Variants in OPRD1 observed in about 807,000 individuals in gnomAD.
OPRD1 encodes the protein opioid receptor delta 1, also known as delta-type opioid receptor.
A neutral mutation model predicts 17.5 loss-of-function variants in OPRD1; 19 were observed. That is an observed-to-expected ratio of 1.09 (90% CI 0.76 to 1.60). The LOEUF (loss-of-function observed/expected upper bound fraction) is 1.60. Ranked by LOEUF, OPRD1 falls within the 40% of genes most tolerant of loss-of-function variation. OPRD1 has a pLI of 0.00. For synonymous variants in OPRD1, 256 were observed against 240.9 expected, an observed-to-expected ratio of 1.06 and a Z score of -0.58; for missense variants, 483 against 547.2, an observed-to-expected ratio of 0.88 and a Z score of 1.17.
intron 1 of OPRD1, among the ~76,000 whole-genome samples, chr1:28,831,734 C>T (rs1374246431): frequency 6.6e-6 from 1 of 152,022 alleles, no homozygotes; most frequent in Non-Finnish European, 1.5e-5. Context: ...GATGAGGTCT[C>T]ACTATGTTGC....
At chr1:28,858,227 C>G (rs1452286828) in intron 1 of OPRD1, among the ~76,000 whole-genome samples, 2 of 150,958 alleles carry the variant, frequency 1.3e-5, no homozygotes, top group East Asian at 3.9e-4. Context: ...CATTCTCCTG[C>G]CTCAGCCTCC....
At chr1:28,846,572 A>G (rs1263259788) in intron 1 of OPRD1, among the ~76,000 whole-genome samples, 2 of 152,060 alleles carry the variant, frequency 1.3e-5, no homozygotes, top group African/African-American at 2.4e-5. Flanking sequence ...AATCCCAGCT[A>G]CTAGGGAGGC....
Position 28,812,225 on chromosome 1 carries a change from G to T in OPRD1, c.-159G>T. 1 of 258,110 alleles carries T rather than the reference G, an allele frequency of 3.9e-6. No homozygotes were observed. The highest frequency in any genetic ancestry group is 6.5e-6 in the Non-Finnish European group (1 of 154,576). 16.0% of individuals were successfully genotyped at this position (258,110 alleles called of 1,614,324 possible). A position where few individuals can be genotyped will look rare whatever the true frequency, so the allele number is the denominator to read the frequency against. On this transcript the variant is annotated 5_prime_UTR_variant, in exon 1 of 3. Coordinates refer to ENST00000234961, the MANE Select transcript of OPRD1 (RefSeq NM_000911.4). Reference sequence around the variant, plus strand: ...CGCCGGGGGCTGGGCCGGTGCGGGCGGCGAGGCAGGCGGACGAGGCGCAGA... The same window carrying T: ...CGCCGGGGGCTGGGCCGGTGCGGGCTGCGAGGCAGGCGGACGAGGCGCAGA...
chr1:28,847,563 A>G (rs1212082451), intron 1 of OPRD1, among the ~76,000 whole-genome samples: 1 of 152,062 alleles, frequency 6.6e-6, no homozygotes, highest in East Asian at 1.9e-4. Context: ...GCTGGGCACA[A>G]TGGCTCAGGC....
At chr1:28,832,476 G>A (rs2088816343) in intron 1 of OPRD1, among the ~76,000 whole-genome samples, 2 of 152,064 alleles carry the variant, frequency 1.3e-5, no homozygotes, top group Admixed American at 6.6e-5. Context: ...AATTAGCCAG[G>A]AATGGTGGCA....
At chr1:28,823,830 G>A (rs1461649171) in intron 1 of OPRD1, among the ~76,000 whole-genome samples, 2 of 148,504 alleles carry the variant, frequency 1.3e-5, no homozygotes, top group African/African-American at 4.9e-5. Context: ...TGCCCAGCCC[G>A]TCTTTCTTGA....
At chr1:28,841,439 A>G (rs989118275) in intron 1 of OPRD1, among the ~76,000 whole-genome samples, 1 of 152,190 alleles carries the variant, frequency 6.6e-6, no homozygotes, top group African/African-American at 2.4e-5. Flanking sequence ...TGGAAACCAG[A>G]TAGATATGCG....
At chr1:28,831,441 G>A (rs2088808035) in intron 1 of OPRD1, among the ~76,000 whole-genome samples, 1 of 151,804 alleles carries the variant, frequency 6.6e-6, no homozygotes, top group Non-Finnish European at 1.5e-5. Flanking sequence ...CTTGGGAGGT[G>A]GAGGTTGCAG....
intron 1 of OPRD1, among the ~76,000 whole-genome samples, chr1:28,858,279 AT>A (rs1032653325): frequency 2.1e-5 from 3 of 140,138 alleles, no homozygotes; most frequent in Non-Finnish European, 4.6e-5. Context: ...ACGCCCGGCT[AT>A]TTTTTTTGTA....
chr1:28,871,053 T>TA lies in OPRD1; in HGVS notation c.*7774dup, dbSNP rs1272677729. The TA allele has an allele frequency of 1.3e-5, 2 of 152,108 alleles. No homozygotes were observed. Among genetic ancestry groups the TA allele is most frequent in the Non-Finnish European group, 2.9e-5 (2 of 68,008 alleles). 9.4% of individuals were successfully genotyped at this position (152,108 alleles called of 1,614,324 possible). On this transcript the variant is annotated 3_prime_UTR_variant, in exon 3 of 3. Coordinates refer to ENST00000234961, the MANE Select transcript of OPRD1 (RefSeq NM_000911.4). ...GGTCCCAGAAACAGACATCTGTTGG[T>TA]AAAATCTACTGGGCATTTGCCCAGA...
At chr1:28,817,279 C>A (rs910215151) in intron 1 of OPRD1, among the ~76,000 whole-genome samples, 3 of 152,164 alleles carry the variant, frequency 2.0e-5, no homozygotes, top group Non-Finnish European at 2.9e-5. Context: ...CTCATAGGTA[C>A]CTTTGTCCTC....
chr1:28,819,293 A>C (rs2088693443), intron 1 of OPRD1, among the ~76,000 whole-genome samples: 3 of 151,972 alleles, frequency 2.0e-5, no homozygotes, highest in Admixed American at 2.0e-4. Context: ...TCAAAAAAAA[A>C]AGGAAGGAGG....
intron 1 of OPRD1, among the ~76,000 whole-genome samples, chr1:28,841,178 G>C (rs554081258): frequency 6.6e-6 from 1 of 152,292 alleles, no homozygotes; most frequent in Non-Finnish European, 1.5e-5. Flanking sequence ...CCCCACATTC[G>C]TGCCTGTGAC....
chr1:28,850,756 C>G (rs1338237258), intron 1 of OPRD1, among the ~76,000 whole-genome samples: 1 of 149,752 alleles, frequency 6.7e-6, no homozygotes, highest in Non-Finnish European at 1.5e-5. Context: ...GCACTCCAGC[C>G]TTGGTGACAG....
chr1:28,852,163 G>GGA (rs2089009877), intron 1 of OPRD1, among the ~76,000 whole-genome samples: 1 of 57,512 alleles, frequency 1.7e-5, no homozygotes, highest in Non-Finnish European at 3.3e-5. Flanking sequence ...CAAACTCCAT[G>GGA]TAAAAAAAAA....
chr1:28,852,465 G>A lies in OPRD1; in HGVS notation c.228-6489G>A, dbSNP rs574326448. ...AGCAGTGGACAATATCTACAAAGTCGTAAGAATGTAAACCCTAAATATTGA... is the reference window on the plus strand; with the variant it reads ...AGCAGTGGACAATATCTACAAAGTCATAAGAATGTAAACCCTAAATATTGA... On this transcript the variant is annotated intron_variant, in intron 1 of 2. Coordinates refer to ENST00000234961, the MANE Select transcript of OPRD1 (RefSeq NM_000911.4). Among the ~76,000 whole-genome samples the A allele has an allele frequency of 6.6e-5, 10 of 152,216 alleles. No individual in the cohort carries two copies. In the East Asian group the frequency reaches 9.6e-4, roughly 15 times the overall value.
chr1:28,859,012 G>A lies in OPRD1; in HGVS notation c.286G>A (p.Ala96Thr). The A allele has an allele frequency of 6.2e-7, 1 of 1,613,978 alleles. No homozygotes were observed. ...CATCTTCAACCTGGCCTTAGCCGAT[G>A]CGCTGGCCACCAGCACGCTGCCTTT... The part of the protein sequence containing the change: ...IYIFNLALAD[A>T]LATSTLPFQS... The change falls in exon 2 of 3, where the codon GCG becomes ACG. Residue 96 changes from alanine to threonine, a missense_variant. Coordinates refer to ENST00000234961, the MANE Select transcript of OPRD1 (RefSeq NM_000911.4).
intron 1 of OPRD1, among the ~76,000 whole-genome samples, chr1:28,829,938 A>G (rs1006222199): frequency 1.3e-5 from 2 of 151,996 alleles, no homozygotes; most frequent in African/African-American, 4.8e-5. Flanking sequence ...TGAACTCCTG[A>G]GCTCAAGCAA....
intron 1 of OPRD1, among the ~76,000 whole-genome samples, chr1:28,838,698 A>T (rs1194040127): frequency 6.6e-6 from 1 of 152,198 alleles, no homozygotes; most frequent in East Asian, 1.9e-4. Context: ...AGTGCTAGGA[A>T]CATGGCAGGC....
Sources: gnomAD v4.1 joint callset for allele counts (sites outside exome capture counted in the v4.1 genomes callset) on GRCh38, gnomAD v4.1.1 for gene constraint, MANE v1.5 for transcripts, NCBI Gene and HGNC (gene_info 2026-07-23, HGNC 2026-07-21) for gene names.